Variants in QRICH2 observed in about 807,000 individuals in gnomAD.
QRICH2 encodes glutamine-rich protein 2.
A neutral mutation model predicts 168.3 loss-of-function variants in QRICH2; 119 were observed. The observed-to-expected ratio is 0.71, with a 90% CI of 0.61 to 0.82. QRICH2 has a LOEUF of 0.82. QRICH2 is among the 40% of genes least tolerant of loss of function. The pLI, the probability that QRICH2 is intolerant of heterozygous loss-of-function variation, is 0.00. For missense variants in QRICH2, 2,241 were observed against 2,491.6 expected, an observed-to-expected ratio of 0.90 and a Z score of 2.14; for synonymous variants, 894 against 951.2, an observed-to-expected ratio of 0.94 and a Z score of 1.11.
chr17:76,287,775 G>A, intron 6 of QRICH2, 25 bp downstream of exon 6: 1 of 1,573,646 alleles, frequency 6.4e-7, no homozygotes, highest in South Asian at 1.1e-5. Flanking sequence ...CAGGGGACCA[G>A]CTGCTCTTAG....
At chr17:76,302,426 C>T (rs1388772277) in intron 3 of QRICH2, among the ~76,000 whole-genome samples, 1 of 151,430 alleles carries the variant, frequency 6.6e-6, no homozygotes, top group East Asian at 1.9e-4. Flanking sequence ...CCAAAGATAT[C>T]CATGTCCCCA....
At position 76,307,729 on chromosome 17, in the gene QRICH2, G is replaced by A; in HGVS notation, c.270C>T (p.Gly90=). 7.2e-7 allele frequency: 1 copy of A among 1,396,964 alleles called. No individual in the cohort carries two copies. The highest frequency in any genetic ancestry group is 2.8e-5 in the East Asian group (1 of 36,316). The allele number at this position is 1,396,964 out of a possible 1,614,324, so 86.5% of individuals were successfully genotyped here. ...PKGAPREKRR[G]VGQAPSSALE... The stretch of plus-strand genomic sequence containing the variant: ...GCGCTGACGAAGGCGCCTGGCCCAC[G>A]CCCCTGCGCTTCTCCCGGGGCGCCC... Residue 90 remains glycine, a synonymous_variant, in exon 1 of 19, where the codon GGC becomes GGT. Coordinates refer to ENST00000680821, the MANE Select transcript of QRICH2 (RefSeq NM_001388453.1). This position sits in a 1 kb window ranked among gnomAD's most constrained non-coding sequence, Gnocchi z 5.3.
In QRICH2 at chr17:76,293,988, C is replaced by A. The variant is rs149886354; in HGVS notation, c.739G>T (p.Gly247Ter). The A allele has an allele frequency of 6.2e-7, 1 of 1,610,544 alleles. No individual in the cohort carries two copies. The highest frequency in any genetic ancestry group is 2.2e-5 in the East Asian group (1 of 44,800). Residue 247 changes from glycine to a stop codon, truncating the protein, a stop_gained, in exon 4 of 19, where the codon GGA becomes TGA. Transcript: ENST00000680821. LOFTEE classifies it high-confidence loss of function. ...SETLMGFSKHGGFTSLTSPEG... is the reference protein window; with the variant it reads ...SETLMGFSKH The stretch of plus-strand genomic sequence containing the variant: ...GGTGATGTTAAGGAAGTGAACCCTC[C>A]GTGCTTAGAAAATCCCATAAGTGTT...
chr17:76,274,410 G>T, intron 18 of QRICH2, 150 bp from the exon 19 acceptor site: 1 of 301,406 alleles, frequency 3.3e-6, no homozygotes, highest in Non-Finnish European at 4.9e-6. Flanking sequence ...GGGGCCGGGG[G>T]GCACGGCGCA....
chr17:76,286,857 G>A (rs987583072), intron 7 of QRICH2, among the ~76,000 whole-genome samples: 7 of 140,158 alleles, frequency 5.0e-5, no homozygotes, highest in South Asian at 2.3e-4. Flanking sequence ...CCTGGATGAC[G>A]AGAGCGAAAT....
upstream of QRICH2, chr17:76,309,883 GAGGTACT>G (rs1462124400): frequency 3.9e-5 from 6 of 152,138 alleles, no homozygotes; most frequent in African/African-American, 1.4e-4. Flanking sequence ...TTCAGCCTGA[GAGGTACT>G]GTTTATTTAA....
At chr17:76,283,235 A>G (rs2070821323) in intron 7 of QRICH2, among the ~76,000 whole-genome samples, 2 of 152,242 alleles carry the variant, frequency 1.3e-5, no homozygotes, top group East Asian at 1.9e-4. Context: ...GCCTCCTAGA[A>G]AAATGGGCAT....
Position 76,307,436 on chromosome 17 carries a change from C to A in QRICH2, c.534+29G>T, listed in dbSNP as rs1204655721. ...AGGGCGGCCTGGAGGAGGCAGACGG[C>A]CTGCGCGTGCCTCCGTGTGCGTGCT... On this transcript the variant is annotated intron_variant, in intron 1 of 18. Transcript: ENST00000680821. The surrounding 1 kb of genome is among the most constrained non-coding windows in gnomAD (Gnocchi z 5.3). 9.9e-6 allele frequency: 16 copies of A among 1,610,846 alleles called. No homozygotes were observed. The highest frequency in any genetic ancestry group is 1.4e-5 in the Non-Finnish European group (16 of 1,177,700).
intron 7 of QRICH2, among the ~76,000 whole-genome samples, chr17:76,285,780 T>C (rs1250096855): frequency 1.3e-5 from 2 of 149,618 alleles, no homozygotes; most frequent in Non-Finnish European, 3.0e-5. Context: ...ACCCAGGAGT[T>C]GGAGATTGCA....
Position 76,280,798 on chromosome 17 carries a change from C to T in QRICH2, c.4386+33G>A, listed in dbSNP as rs781771672. On this transcript the variant is annotated intron_variant, in intron 9 of 18. Coordinates refer to ENST00000680821, the MANE Select transcript of QRICH2 (RefSeq NM_001388453.1). The surrounding 1 kb of genome is among the most constrained non-coding windows in gnomAD (Gnocchi z 7.4). ...GGGGCTAGGGCACCACATTGAGCCCCGGCCCCATCCCAGCCACCCTGCGGC... is the reference window on the plus strand; with the variant it reads ...GGGGCTAGGGCACCACATTGAGCCCTGGCCCCATCCCAGCCACCCTGCGGC... 4.8e-5 allele frequency: 77 copies of T among 1,613,946 alleles called. No individual in the cohort carries two copies. The East Asian group carries it at 8.9e-4, about 19-fold the overall frequency.
chr17:76,304,472 C>T lies in QRICH2; in HGVS notation c.648G>A (p.Met216Ile). The T allele has an allele frequency of 1.2e-6, 2 of 1,613,914 alleles. No individual in the cohort carries two copies. The highest frequency in any genetic ancestry group is 8.5e-7 in the Non-Finnish European group (1 of 1,180,026). ...SLVPGAEEVT[M>I]VTWEELEQAI... ...CCTGCTCCAGCTCTTCCCAGGTGAC[C>T]ATGGTGACTTCTTCTGCACCAGGAA... The change falls in exon 3 of 19, where the codon ATG becomes ATA. Residue 216 changes from methionine (M) to isoleucine (I), a missense_variant. By Grantham distance (10) the Met-to-Ile change is conservative. This residue lies in a region of QRICH2 where 2,047 missense variants were observed against 2,303.8 expected (regional missense o/e 0.89). Transcript: ENST00000680821.
At chr17:76,285,970 A>C (rs2070875735) in intron 7 of QRICH2, among the ~76,000 whole-genome samples, 1 of 152,148 alleles carries the variant, frequency 6.6e-6, no homozygotes, top group African/African-American at 2.4e-5. Context: ...CAGGAGATTG[A>C]GACCATCCTG....
At chr17:76,303,803 G>A (rs909989472) in intron 3 of QRICH2, among the ~76,000 whole-genome samples, 3 of 150,606 alleles carry the variant, frequency 2.0e-5, no homozygotes, top group Non-Finnish European at 4.4e-5. Flanking sequence ...AACCCGGGAG[G>A]CGGAGCTTGC....
At position 76,292,515 on chromosome 17, in the gene QRICH2, G is replaced by T. The variant is rs147284874; in HGVS notation, c.2212C>A (p.Arg738Ser). 1 of 1,570,030 alleles carries T rather than the reference G, an allele frequency of 6.4e-7. No homozygotes were observed. The highest frequency in any genetic ancestry group is 8.7e-7 in the Non-Finnish European group (1 of 1,151,402). The change falls in exon 4 of 19, where the codon CGT (arginine) becomes AGT (serine). Residue 738 changes from arginine to serine, a missense_variant. Physicochemically the swap from Arg to Ser is moderately radical, Grantham distance 110. Around this residue, in one of 3 missense-constraint regions of QRICH2, gnomAD observed 2,047 missense variants for 2,303.8 expected, o/e 0.89. Transcript: ENST00000680821. ...TCTGCACGAGGTTGTGCCAAACCAC[G>T]CTGATCTACTCCAGGTTGGACCAAA... is the stretch of plus-strand genomic sequence containing the variant. ...HGLVQPGVDQRGLAQPRADHQ... is the reference protein window; with the variant it reads ...HGLVQPGVDQSGLAQPRADHQ...
intron 7 of QRICH2, among the ~76,000 whole-genome samples, chr17:76,283,356 T>C (rs1401733076): frequency 6.6e-6 from 1 of 151,896 alleles, no homozygotes; most frequent in East Asian, 1.9e-4. Flanking sequence ...AGATGGGGCA[T>C]GTGGAAGTGG....
chr17:76,304,805 A>G, intron 2 of QRICH2, 77 bp downstream of exon 2: 1 of 1,052,832 alleles, frequency 9.5e-7, no homozygotes, highest in Non-Finnish European at 1.5e-6. Flanking sequence ...TGGATGGACA[A>G]GCCCTGGAGA....
intron 2 of QRICH2, 104 bp from the exon 3 acceptor site, chr17:76,304,629 C>G: frequency 1.2e-6 from 1 of 817,284 alleles, no homozygotes; most frequent in Non-Finnish European, 2.0e-6. Context: ...CTTCACAGCC[C>G]CAGCCCCAGG....
At position 76,280,944 on chromosome 17, in the gene QRICH2, G is replaced by GCTC. The variant is rs1188963682; in HGVS notation, c.4270_4272dup (p.Glu1424dup). The GCTC allele has an allele frequency of 6.2e-7, 1 of 1,610,194 alleles. No homozygotes were observed. The highest frequency in any genetic ancestry group is 1.7e-5 in the Admixed American group (1 of 60,018). On this transcript the variant is annotated inframe_insertion, in exon 9 of 19. Transcript: ENST00000680821. The surrounding 1 kb of genome is among the most constrained non-coding windows in gnomAD (Gnocchi z 7.4). ...ATGGCACTCTGCACACGGCCCAGCA[G>GCTC]CTCCTCGTCCTGCGGCAGGAGGGAT... is the stretch of plus-strand genomic sequence containing the variant.
chr17:76,308,403 G>A, upstream of QRICH2: 1 of 982,874 alleles, frequency 1.0e-6, no homozygotes. Flanking sequence ...AACGGGCTGA[G>A]GAGGCCTCCT....
Sources: allele counts gnomAD v4.1 joint callset (sites outside exome capture counted in the v4.1 genomes callset), GRCh38; gene constraint gnomAD v4.1.1; regional missense constraint gnomAD v4.1.1; non-coding constraint Gnocchi (gnomAD v3.1); transcripts MANE v1.5; gene names NCBI Gene and HGNC (gene_info 2026-07-23, HGNC 2026-07-21).